The following PCDHA1 variants were observed in gnomAD, a reference collection of about 807,000 sequenced individuals.
PCDHA1 encodes the protein protocadherin alpha-1.
PCDHA1 carries 42 observed loss-of-function variants against 61.3 expected under a neutral mutation model. That is an observed-to-expected ratio of 0.69 (90% CI 0.54 to 0.89). PCDHA1 has a LOEUF of 0.89. Among genes scored for constraint, PCDHA1 ranks in the 40% least tolerant of loss-of-function variants. The pLI is 0.00. For missense variants in PCDHA1, 1,256 were observed against 1,235.3 expected, an observed-to-expected ratio of 1.02 and a Z score of -0.25; for synonymous variants, 610 against 553.8, an observed-to-expected ratio of 1.10 and a Z score of -1.43.
At chr5:140,870,921 T>G (rs2052546739) in intron 1 of PCDHA1, 1 of 1,613,894 alleles carries the variant, frequency 6.2e-7, no homozygotes, top group South Asian at 1.1e-5. Flanking sequence ...ACGCGTGGCT[T>G]TCATATGAAT....
Position 140,969,016 on chromosome 5 carries a change from A to C in PCDHA1, c.2395-9933A>C. Reference sequence around the variant, plus strand: ...GTGGAGGCTTCTGTGGAGTAAGGGAAAGGTCCCCTGCAGAACTGTACAAAC... The same window carrying C: ...GTGGAGGCTTCTGTGGAGTAAGGGACAGGTCCCCTGCAGAACTGTACAAAC... On this transcript the variant is annotated intron_variant, in intron 1 of 3. Coordinates refer to ENST00000504120, the MANE Select transcript of PCDHA1 (RefSeq NM_018900.4). 6.2e-7 allele frequency: 1 copy of C among 1,614,172 alleles called. No homozygotes were observed. Among genetic ancestry groups the C allele is most frequent in the South Asian group, 1.1e-5 (1 of 91,072 alleles).
chr5:140,830,284 G>T (rs2150184332), intron 1 of PCDHA1: 7 of 1,613,854 alleles, frequency 4.3e-6, no homozygotes, highest in Non-Finnish European at 5.9e-6. Context: ...CCGAGGGCGC[G>T]TGCACGGCGG....
At chr5:140,835,408 A>G (rs1554134951) in intron 1 of PCDHA1, 1 of 1,614,004 alleles carries the variant, frequency 6.2e-7, no homozygotes, top group Non-Finnish European at 8.5e-7. Context: ...GAAGTTGTGG[A>G]TGTAAATGAC....
intron 1 of PCDHA1, chr5:140,805,307 C>T: frequency 7.9e-7 from 1 of 1,273,368 alleles, no homozygotes; most frequent in Non-Finnish European, 9.9e-7. Flanking sequence ...AATTCTTCCT[C>T]CTTTTTTCCA....
chr5:140,830,320 CG>C, intron 1 of PCDHA1: 1 of 1,613,990 alleles, frequency 6.2e-7, no homozygotes, highest in Non-Finnish European at 8.5e-7. Flanking sequence ...TGTGCTCCAG[CG>C]CAGTGGGGAG....
intron 1 of PCDHA1, chr5:140,848,372 A>G: frequency 1.7e-6 from 2 of 1,150,006 alleles, no homozygotes; most frequent in South Asian, 3.0e-5. Context: ...AAGAGGCTCA[A>G]TTCTTTTTCA....
chr5:140,981,944 G>A (rs893119825), intron 2 of PCDHA1, among the ~76,000 whole-genome samples: 2 of 152,174 alleles, frequency 1.3e-5, no homozygotes, highest in Non-Finnish European at 2.9e-5. Flanking sequence ...GAAATATAGG[G>A]TGGGTCATCT....
chr5:140,797,482 A>T, intron 1 of PCDHA1: 1 of 1,063,438 alleles, frequency 9.4e-7, no homozygotes. Context: ...GATTTTGAAT[A>T]TGAATTAGAG....
rs1220718510 is a variant in PCDHA1, at chr5:140,898,104, A to T, written c.2395-80845A>T. 2.0e-5 allele frequency among the ~76,000 whole-genome samples: 3 copies of T among 152,110 alleles called. No individual in the cohort carries two copies. In the South Asian group the frequency reaches 6.2e-4, roughly 32 times the overall value. On this transcript the variant is annotated intron_variant, in intron 1 of 3. Coordinates refer to ENST00000504120, the MANE Select transcript of PCDHA1 (RefSeq NM_018900.4). Reference sequence around the variant, plus strand: ...CTGGATATTAGCCCTTTGTCAGATGAGTAGGTTGCGAAAATTTTCTCCCAT... The same window carrying T: ...CTGGATATTAGCCCTTTGTCAGATGTGTAGGTTGCGAAAATTTTCTCCCAT...
intron 1 of PCDHA1, among the ~76,000 whole-genome samples, chr5:140,964,670 G>A (rs2095847592): frequency 6.6e-6 from 1 of 151,912 alleles, no homozygotes; most frequent in Non-Finnish European, 1.5e-5. Context: ...CACAGGCCAG[G>A]TCCACAATTT....
intron 1 of PCDHA1, chr5:140,968,899 A>G (rs782594245): frequency 6.2e-7 from 1 of 1,614,130 alleles, no homozygotes; most frequent in Non-Finnish European, 8.5e-7. Context: ...TAATAATAGC[A>G]TTAAGCACAG....
chr5:140,938,797 G>A (rs76361474), intron 1 of PCDHA1, among the ~76,000 whole-genome samples: 2 of 151,926 alleles, frequency 1.3e-5, no homozygotes, highest in East Asian at 1.9e-4. Flanking sequence ...TGAAATAATC[G>A]GTACCACAAA....
intron 1 of PCDHA1, chr5:140,835,853 G>C (rs2150246654): frequency 1.2e-6 from 2 of 1,612,274 alleles, no homozygotes; most frequent in South Asian, 2.2e-5. Flanking sequence ...ACGCGCTGGT[G>C]TCCTACTCGC....
At position 140,870,131 on chromosome 5, in the gene PCDHA1, A is replaced by G. The variant is rs782486118; in HGVS notation, c.2394+81447A>G. The G allele has an allele frequency of 2.6e-5, 42 of 1,613,870 alleles. No individual in the cohort carries two copies. In the Admixed American group the frequency reaches 4.2e-4, roughly 16 times the overall value. On this transcript the variant is annotated intron_variant, in intron 1 of 3. Coordinates refer to ENST00000504120, the MANE Select transcript of PCDHA1 (RefSeq NM_018900.4). Reference sequence around the variant, plus strand: ...GTCTGGGTGGAAATCTTGGACACCAACGATAACTCTCCTGAAGTCGCCGTG... The same window carrying G: ...GTCTGGGTGGAAATCTTGGACACCAGCGATAACTCTCCTGAAGTCGCCGTG...
rs782206704 is a variant in PCDHA1 at position 140,787,453 on chromosome 5, C to G, written c.1163C>G (p.Ser388Cys). ...DSGANGQVTC[S>C]LMPHVPFKLV... ...GGTGCCAACGGGCAGGTGACTTGCT[C>G]CTTAATGCCCCACGTCCCCTTCAAG... is the stretch of plus-strand genomic sequence containing the variant. Residue 388 changes from serine (S) to cysteine (C), a missense_variant, in exon 1 of 4, where the codon TCC (serine) becomes TGC (cysteine). By Grantham distance (112) the Ser-to-Cys change is moderately radical. Coordinates refer to ENST00000504120, the MANE Select transcript of PCDHA1 (RefSeq NM_018900.4). 11 of 1,614,234 alleles carry G rather than the reference C, an allele frequency of 6.8e-6. No homozygotes were observed. The highest frequency in any genetic ancestry group is 9.3e-6 in the Non-Finnish European group (11 of 1,180,036).
chr5:140,870,590 G>T, intron 1 of PCDHA1: 2 of 1,613,564 alleles, frequency 1.2e-6, no homozygotes, highest in Non-Finnish European at 1.7e-6. Flanking sequence ...CTGGTGGAGC[G>T]GCGGTTGGGC....
chr5:140,903,334 G>A (rs1451948444), intron 1 of PCDHA1, among the ~76,000 whole-genome samples: 2 of 152,132 alleles, frequency 1.3e-5, no homozygotes, highest in Non-Finnish European at 2.9e-5. Context: ...TTGAGGAAAG[G>A]ATGCATTTTA....
chr5:140,970,657 T>C (rs1487534093), intron 1 of PCDHA1, among the ~76,000 whole-genome samples: 1 of 152,232 alleles, frequency 6.6e-6, no homozygotes, highest in Non-Finnish European at 1.5e-5. Context: ...TGAATTGTTA[T>C]CTTTCCAAAT....
At chr5:140,966,395 T>A in intron 1 of PCDHA1, 1 of 404,602 alleles carries the variant, frequency 2.5e-6, no homozygotes, top group Non-Finnish European at 4.3e-6. Flanking sequence ...GTCCGCCACT[T>A]CGGCGCGGAA....
Sources: allele counts gnomAD v4.1 joint callset (sites outside exome capture counted in the v4.1 genomes callset), GRCh38; gene constraint gnomAD v4.1.1; transcripts MANE v1.5; gene names NCBI Gene and HGNC (gene_info 2026-07-23, HGNC 2026-07-21).